L1CAM: variants seen among roughly 807,000 people sequenced by gnomAD.
The protein encoded by L1CAM is L1 cell adhesion molecule, also known as neural cell adhesion molecule L1.
A neutral mutation model predicts 93.0 loss-of-function variants in L1CAM; 8 were observed. The observed-to-expected ratio is 0.09, with a 90% confidence interval of 0.05 to 0.16. The LOEUF is 0.16. L1CAM is among the 10% of genes least tolerant of loss of function. The probability of loss-of-function intolerance (pLI) is 1.00; values close to 1 mark genes in which losing one functional copy is unlikely to be tolerated. For synonymous variants in L1CAM, 453 were observed against 453.0 expected (o/e 1.00, Z 0.00); for missense variants, 777 against 1,073.4 (o/e 0.72, Z 3.86).
intron 1 of L1CAM, among the ~76,000 whole-genome samples, chrX:153,877,950 T>A (rs1557095017): frequency 8.9e-6 from 1 of 112,361 alleles, no homozygotes. Context: ...CATGTCCATA[T>A]TCACCTACAA....
chrX:153,879,583 GAGAC>G (rs1232968453), intron 1 of L1CAM, among the ~76,000 whole-genome samples: 3 of 112,331 alleles, frequency 2.7e-5, no homozygotes, highest in Non-Finnish European at 5.6e-5. Flanking sequence ...GCAGGGTAGA[GAGAC>G]AGACAGAGGG....
intron 1 of L1CAM, chrX:153,885,213 C>T: frequency 3.4e-6 from 1 of 290,788 alleles, no homozygotes; most frequent in Non-Finnish European, 6.7e-6. Flanking sequence ...GGGCAAAAGA[C>T]CTGCAGTGCG....
At chrX:153,864,214 G>A (rs1193153807) in intron 25 of L1CAM, 108 bp downstream of exon 25, 5 of 1,017,922 alleles carry the variant, frequency 4.9e-6, no homozygotes, top group East Asian at 3.0e-5. Context: ...GCAGACAGGA[G>A]CCGTGGAGGG....
intron 1 of L1CAM, among the ~76,000 whole-genome samples, chrX:153,879,237 C>T (rs1222723514): frequency 1.8e-5 from 2 of 110,545 alleles, no homozygotes; most frequent in African/African-American, 6.6e-5. Flanking sequence ...GAGCAGGAGA[C>T]AAAGACAGAC....
At chrX:153,869,247 C>T in intron 11 of L1CAM, 1 of 452,119 alleles carries the variant, frequency 2.2e-6, no homozygotes, top group Non-Finnish European at 3.9e-6. Flanking sequence ...CCCTGAAGTT[C>T]CAGGAGAGGT....
Position 153,862,433 on chromosome X carries a change from C to T in L1CAM, c.*230G>A. ...GCCCAAATGGGCTGGCAAAACAGCA[C>T]CCAAAGGCCCCTGGCATGTGGGAGA... On this transcript the variant is annotated 3_prime_UTR_variant, in exon 29 of 29. Transcript: ENST00000370060. 2.7e-6 allele frequency: 1 copy of T among 373,859 alleles called. No homozygotes were observed. Among genetic ancestry groups the T allele is most frequent in the Admixed American group, 4.5e-5 (1 of 22,285 alleles). 30.8% of individuals were successfully genotyped at this position (373,859 alleles called of 1,213,427 possible). A position where few individuals can be genotyped will look rare whatever the true frequency, so the allele number is the denominator to read the frequency against.
chrX:153,866,347 G>A (rs1603274564), intron 19 of L1CAM, among the ~76,000 whole-genome samples: 2 of 99,845 alleles, frequency 2.0e-5, no homozygotes, highest in African/African-American at 3.7e-5. Flanking sequence ...GAAAAGAAAA[G>A]AAAAAAGAAA....
Position 153,863,998 on chromosome X carries a change from A to G in L1CAM, c.3342T>C (p.Pro1114=). Residue 1114 remains proline, a synonymous_variant, in exon 26 of 29, where the codon CCT becomes CCC. Coordinates refer to ENST00000370060, the MANE Select transcript of L1CAM (RefSeq NM_001278116.2). ...ACCAGCCCTCAGTGGCGAAGCCAGC[A>G]GGAGGGAGCCTCACGCGGCCTGAGG... ...TNGTGRVRLP[P]AGFATEGWFI... 1 of 1,212,409 alleles carries G rather than the reference A, an allele frequency of 8.2e-7. No homozygotes were observed. The highest frequency in any genetic ancestry group is 1.1e-6 in the Non-Finnish European group (1 of 895,571).
At chrX:153,883,677 G>A in intron 1 of L1CAM, 1 of 316,961 alleles carries the variant, frequency 3.2e-6, no homozygotes, top group Non-Finnish European at 6.4e-6. Flanking sequence ...AGGGAGGCAG[G>A]GCCCCCACTC....
chrX:153,863,020 GGC>G lies in L1CAM; in HGVS notation c.3543-128_3543-127del. 4 of 529,508 alleles carry G rather than the reference GGC, an allele frequency of 7.6e-6. No homozygotes were observed. The East Asian group carries it at 1.4e-4, about 19-fold the overall frequency. The allele number at this position is 529,508 out of a possible 1,213,427, so 43.6% of individuals were successfully genotyped here. A position where few individuals can be genotyped will look rare whatever the true frequency, so the allele number is the denominator to read the frequency against. ...GAATGCGCTCAGAAAGAGCAGCTCT[GGC>G]CACCCTGGCAGGCAGGTCTGGAGCT... On this transcript the variant is annotated intron_variant, in intron 28 of 28. Coordinates refer to ENST00000370060, the MANE Select transcript of L1CAM (RefSeq NM_001278116.2).
At chrX:153,876,290 G>A (rs782162644) in intron 1 of L1CAM, 1 of 291,376 alleles carries the variant, frequency 3.4e-6, no homozygotes, top group Admixed American at 5.6e-5. Flanking sequence ...GCATGTGCAG[G>A]TGTCCGTGGG....
chrX:153,879,540 G>A (rs1434453797), intron 1 of L1CAM, among the ~76,000 whole-genome samples: 1 of 112,395 alleles, frequency 8.9e-6, no homozygotes, highest in Non-Finnish European at 1.9e-5. Context: ...CAGTGGAGGG[G>A]CTTCCCGGCG....
intron 1 of L1CAM, chrX:153,883,953 T>C (rs2148506909): frequency 2.9e-6 from 1 of 340,349 alleles, no homozygotes; most frequent in African/African-American, 2.6e-5. Context: ...GCCAGGTGCA[T>C]GCCAAGGAAG....
chrX:153,885,332 C>T (rs782772650), intron 1 of L1CAM: 14 of 953,497 alleles, frequency 1.5e-5, no homozygotes, highest in South Asian at 2.0e-5. Flanking sequence ...CCCGAACCGA[C>T]CTCACCCACT....
At chrX:153,863,417 G>T (rs1557089569) in intron 27 of L1CAM, 38 bp from the exon 28 acceptor site, 1 of 1,210,777 alleles carries the variant, frequency 8.3e-7, no homozygotes, top group South Asian at 1.8e-5. Context: ...AGAGAGAGGG[G>T]GTGAGATGTG....
chrX:153,876,899 T>G (rs373496094), intron 1 of L1CAM, among the ~76,000 whole-genome samples: 111 of 111,493 alleles, frequency 1.0e-3, no homozygotes, highest in African/African-American at 3.5e-3. Flanking sequence ...CTTGGGAGGC[T>G]GAGGCATGAG....
rs1557088786 is a variant in L1CAM at position 153,861,569 on chromosome X, A to G, written c.*1094T>C. ...TAATTCTGATATTATGTACATATAT[A>G]TATATACTTTTGTTTTTTTGTAGAG... On this transcript the variant is annotated 3_prime_UTR_variant, in exon 29 of 29. Coordinates refer to ENST00000370060, the MANE Select transcript of L1CAM (RefSeq NM_001278116.2). 1 of 112,119 alleles carries G rather than the reference A, an allele frequency of 8.9e-6. No individual in the cohort carries two copies. Among genetic ancestry groups the G allele is most frequent in the Non-Finnish European group, 1.9e-5 (1 of 53,212 alleles). 9.2% of individuals were successfully genotyped at this position (112,119 alleles called of 1,213,427 possible). A position where few individuals can be genotyped will look rare whatever the true frequency, so the allele number is the denominator to read the frequency against.
Position 153,868,059 on chromosome X carries a change from G to A in L1CAM, c.1767C>T (p.Tyr589=), listed in dbSNP as rs377470679. ...CCAGTTCGGTACTGGCCACGCAGCT[G>A]TAGTTGCCCTGGTCGCTGTAGTCCA... is the stretch of plus-strand genomic sequence containing the variant. The part of the protein sequence containing the change: ...HSLDYSDQGN[Y]SCVASTELDV... Residue 589 remains tyrosine, a synonymous_variant, in exon 15 of 29, where the codon TAC becomes TAT. Coordinates refer to ENST00000370060, the MANE Select transcript of L1CAM (RefSeq NM_001278116.2). 4 of 1,208,295 alleles carry A rather than the reference G, an allele frequency of 3.3e-6. No individual in the cohort carries two copies. Among genetic ancestry groups the A allele is most frequent in the African/African-American group, 3.5e-5 (2 of 56,775 alleles).
chrX:153,885,347 C>A, intron 1 of L1CAM: 1 of 977,765 alleles, frequency 1.0e-6, no homozygotes, highest in Non-Finnish European at 1.3e-6. Context: ...CCCACTCCAG[C>A]CCTGACTGGC....
Sources: allele counts gnomAD v4.1 joint callset (sites outside exome capture counted in the v4.1 genomes callset), GRCh38; gene constraint gnomAD v4.1.1; transcripts MANE v1.5; gene names NCBI Gene and HGNC (gene_info 2026-07-23, HGNC 2026-07-21).